The following SLC24A4 variants were observed in gnomAD, a reference collection of about 807,000 sequenced individuals.
The protein encoded by SLC24A4 is solute carrier family 24 member 4, also known as sodium/potassium/calcium exchanger 4.
In SLC24A4, 53 loss-of-function variants were observed where a neutral mutation model predicts 79.0. The observed-to-expected ratio is 0.67, with a 90% CI of 0.54 to 0.84. SLC24A4 has a LOEUF of 0.84. Ranked by LOEUF, SLC24A4 falls within the 40% of genes least tolerant of loss-of-function variation. The pLI, the probability that SLC24A4 is intolerant of heterozygous loss-of-function variation, is 0.00. For missense variants in SLC24A4, 731 were observed against 822.0 expected (o/e 0.89, Z 1.35); for synonymous variants, 323 against 323.8 (o/e 1.00, Z 0.03).
chr14:92,340,545 T>C (rs1433652990), intron 2 of SLC24A4, among the ~76,000 whole-genome samples: 1 of 148,268 alleles, frequency 6.7e-6, no homozygotes, highest in Admixed American at 6.8e-5. Context: ...GTTCAGGTCC[T>C]TGGGTGTGGT....
chr14:92,371,633 C>T (rs1168912199), intron 2 of SLC24A4, among the ~76,000 whole-genome samples: 1 of 152,176 alleles, frequency 6.6e-6, no homozygotes, highest in Non-Finnish European at 1.5e-5. Context: ...CCATTCGGGA[C>T]CCCTCTCTAC....
intron 2 of SLC24A4, among the ~76,000 whole-genome samples, chr14:92,425,072 A>G (rs1891495352): frequency 1.3e-5 from 2 of 152,178 alleles, no homozygotes; most frequent in South Asian, 2.1e-4. Flanking sequence ...ACATCAAACT[A>G]TAGCAATTGA....
intron 2 of SLC24A4, among the ~76,000 whole-genome samples, chr14:92,364,273 T>C (rs1249924580): frequency 6.6e-6 from 1 of 152,156 alleles, no homozygotes; most frequent in African/African-American, 2.4e-5. Context: ...CAAACCTTTA[T>C]AGAATGGTTC....
At position 92,398,177 on chromosome 14, in the gene SLC24A4, G is replaced by T. The variant is rs1030313391; in HGVS notation, c.242-35735G>T. Among the ~76,000 whole-genome samples the T allele has an allele frequency of 1.2e-4, 19 of 152,222 alleles. No homozygotes were observed. The highest frequency in any genetic ancestry group is 5.9e-5 in the Non-Finnish European group (4 of 68,050). On this transcript the variant is annotated intron_variant, in intron 2 of 16. Coordinates refer to ENST00000532405, the MANE Select transcript of SLC24A4 (RefSeq NM_153646.4). This position sits in a 1 kb window ranked among gnomAD's most constrained non-coding sequence, Gnocchi z 4.1. ...TTTAAGATATGCCTGGTGTGTGCAT[G>T]CCTAAGTTGGTTGAAACATGCCCTC...
Position 92,436,320 on chromosome 14 carries a change from T to G in SLC24A4, c.318+2332T>G, listed in dbSNP as rs552134992. ...CCAATGGTTTTTATAAATAAAGTTT[T>G]ATTGGAGCACTGCCACACCCATTCT... is the stretch of plus-strand genomic sequence containing the variant. On this transcript the variant is annotated intron_variant, in intron 3 of 16. Transcript: ENST00000532405. 7.2e-5 allele frequency among the ~76,000 whole-genome samples: 11 copies of G among 152,330 alleles called. No individual in the cohort carries two copies. The South Asian group carries it at 1.9e-3, about 26-fold the overall frequency.
At chr14:92,334,946 G>T (rs997973769) in intron 2 of SLC24A4, among the ~76,000 whole-genome samples, 1 of 151,918 alleles carries the variant, frequency 6.6e-6, no homozygotes, top group Non-Finnish European at 1.5e-5. Flanking sequence ...GAAGTCCAGG[G>T]TACCCTATGT....
Position 92,442,709 on chromosome 14 carries a change from C to T in SLC24A4, c.479-4C>T. On this transcript the variant is annotated splice_region_variant and splice_polypyrimidine_tract_variant and intron_variant, in intron 5 of 16. Coordinates refer to ENST00000532405, the MANE Select transcript of SLC24A4 (RefSeq NM_153646.4). ...GGCCCAGGGTCTGTGTGTTTCCTTT[C>T]CAGGGGTGTTCATCACCCATGGGGA... The T allele has an allele frequency of 1.2e-6, 2 of 1,609,222 alleles. No homozygotes were observed. Among genetic ancestry groups the T allele is most frequent in the Non-Finnish European group, 1.7e-6 (2 of 1,175,558 alleles).
At chr14:92,414,420 A>G (rs1890875852) in intron 2 of SLC24A4, among the ~76,000 whole-genome samples, 1 of 152,146 alleles carries the variant, frequency 6.6e-6, no homozygotes, top group Non-Finnish European at 1.5e-5. Flanking sequence ...GACCAATATG[A>G]TTGTCAAATA....
intron 2 of SLC24A4, among the ~76,000 whole-genome samples, chr14:92,375,519 A>G (rs113861446): frequency 3.4e-4 from 52 of 152,376 alleles, no homozygotes; most frequent in African/African-American, 1.1e-3. Context: ...TCATTGCAGG[A>G]TTATTCCTAA....
At chr14:92,408,318 CCTAT>C (rs1457411482) in intron 2 of SLC24A4, 1 of 856,206 alleles carries the variant, frequency 1.2e-6, no homozygotes, top group Non-Finnish European at 1.4e-6. Flanking sequence ...GTCTTCTGGG[CCTAT>C]CTGTTTAAGG....
At chr14:92,356,570 A>G (rs1393221674) in intron 2 of SLC24A4, among the ~76,000 whole-genome samples, 1 of 152,168 alleles carries the variant, frequency 6.6e-6, no homozygotes, top group African/African-American at 2.4e-5. Flanking sequence ...AGTTTCTCCA[A>G]CTGTAAAATG....
Position 92,496,755 on chromosome 14 carries a change from C to G in SLC24A4, c.*3127C>G, listed in dbSNP as rs1895937913. 1 of 152,288 alleles carries G rather than the reference C, an allele frequency of 6.6e-6. No individual in the cohort carries two copies. Among genetic ancestry groups the G allele is most frequent in the African/African-American group, 2.4e-5 (1 of 41,424 alleles). The allele number at this position is 152,288 out of a possible 1,614,324, so 9.4% of individuals were successfully genotyped here. A position where few individuals can be genotyped will look rare whatever the true frequency, so the allele number is the denominator to read the frequency against. ...GTCTGCTGGCCTCCATGCCTCTTCC[C>G]CTTGTCACTTGTGTCTCCTCCTTAT... On this transcript the variant is annotated 3_prime_UTR_variant, in exon 17 of 17. Transcript: ENST00000532405.
chr14:92,456,716 C>A, intron 12 of SLC24A4, 108 bp downstream of exon 12: 2 of 1,154,658 alleles, frequency 1.7e-6, no homozygotes, highest in East Asian at 2.5e-5. Flanking sequence ...CGGCAGAGGG[C>A]TGGTGCAAAG....
chr14:92,453,729 C>T, intron 10 of SLC24A4, 171 bp from the exon 11 acceptor site: 1 of 585,396 alleles, frequency 1.7e-6, no homozygotes. Context: ...GCTAGTGACC[C>T]ACTTTGCCTG....
At chr14:92,401,758 A>T (rs889672566) in intron 2 of SLC24A4, among the ~76,000 whole-genome samples, 1 of 152,068 alleles carries the variant, frequency 6.6e-6, no homozygotes, top group African/African-American at 2.4e-5. Flanking sequence ...CAGTGCCCTG[A>T]GGTGTGTCTG....
intron 2 of SLC24A4, among the ~76,000 whole-genome samples, chr14:92,429,841 G>T (rs8021084): frequency 0.58 from 87,858 of 151,924 alleles, 25,819 homozygotes; most frequent in East Asian, 0.81. Flanking sequence ...GAATAATGAG[G>T]TTCTCAGAAT....
At chr14:92,485,892 G>A (rs1895326392) in intron 13 of SLC24A4, among the ~76,000 whole-genome samples, 1 of 152,116 alleles carries the variant, frequency 6.6e-6, no homozygotes, top group Admixed American at 6.5e-5. Flanking sequence ...CACTTTACTG[G>A]GGCACTCTTA....
At position 92,498,523 on chromosome 14, in the gene SLC24A4, G is replaced by A. The variant is rs1896015567; in HGVS notation, c.*4895G>A. ...GGCTTTTTTTTTTTTTTTTGAGACA[G>A]GGTCTCGCTCTGTCGCCTAGACTCA... On this transcript the variant is annotated 3_prime_UTR_variant, in exon 17 of 17. Coordinates refer to ENST00000532405, the MANE Select transcript of SLC24A4 (RefSeq NM_153646.4). 6.8e-6 allele frequency: 1 copy of A among 146,920 alleles called. No homozygotes were observed. Among genetic ancestry groups the A allele is most frequent in the Non-Finnish European group, 1.5e-5 (1 of 67,214 alleles). The allele number at this position is 146,920 out of a possible 1,614,324, so 9.1% of individuals were successfully genotyped here.
At chr14:92,342,064 A>T (rs1331757970) in intron 2 of SLC24A4, among the ~76,000 whole-genome samples, 2 of 152,066 alleles carry the variant, frequency 1.3e-5, no homozygotes, top group Non-Finnish European at 2.9e-5. Flanking sequence ...TAATTTGCAG[A>T]CCACACACAC....
Sources: gnomAD v4.1 joint callset for allele counts (sites outside exome capture counted in the v4.1 genomes callset) on GRCh38, gnomAD v4.1.1 for gene constraint, Gnocchi (gnomAD v3.1) non-coding constraint, MANE v1.5 for transcripts, NCBI Gene and HGNC (gene_info 2026-07-23, HGNC 2026-07-21) for gene names.